S100PBP: variants seen among roughly 807,000 people sequenced by gnomAD.
The protein encoded by S100PBP is S100P-binding protein.
S100PBP carries 15 observed loss-of-function variants against 39.9 expected under a neutral mutation model. The ratio of observed to expected loss-of-function variants is 0.38; its 90% CI spans 0.25 to 0.58. The LOEUF (loss-of-function observed/expected upper bound fraction) is 0.58, where lower values mean the gene tolerates loss of function less well. S100PBP is among the 20% of genes least tolerant of loss of function. The probability of loss-of-function intolerance (pLI) is 0.70; values close to 1 mark genes in which losing one functional copy is unlikely to be tolerated. For synonymous variants in S100PBP, 178 were observed against 180.3 expected (o/e 0.99, Z 0.10); for missense variants, 504 against 487.3 (o/e 1.03, Z -0.32).
chr1:32,819,770 A>T (rs1462156543), intron 1 of S100PBP, among the ~76,000 whole-genome samples: 1 of 152,170 alleles, frequency 6.6e-6, no homozygotes, highest in South Asian at 2.1e-4. Context: ...CATTCATTAA[A>T]TACCATGTTT....
Position 32,826,652 on chromosome 1 carries a change from G to T in S100PBP, c.553G>T (p.Gly185Cys). The T allele has an allele frequency of 6.2e-7, 1 of 1,614,166 alleles. No individual in the cohort carries two copies. Among genetic ancestry groups the T allele is most frequent in the Non-Finnish European group, 8.5e-7 (1 of 1,180,032 alleles). Residue 185 changes from glycine to cysteine, a missense_variant, in exon 3 of 7, where the codon GGT becomes TGT. By Grantham distance (159) the Gly-to-Cys change is radical. Transcript: ENST00000373475. ...SSLGEEMRED[G>C]LSPNESKLCT... The stretch of plus-strand genomic sequence containing the variant: ...CCTTGGAGAAGAGATGAGAGAAGAT[G>T]GTCTTAGCCCAAATGAAAGCAAACT...
intron 5 of S100PBP, among the ~76,000 whole-genome samples, chr1:32,830,414 T>G (rs1265200634): frequency 6.6e-6 from 1 of 152,148 alleles, no homozygotes; most frequent in African/African-American, 2.4e-5. Flanking sequence ...TAATCAGTGG[T>G]TTTTAAAATT....
At chr1:32,828,220 A>G in intron 4 of S100PBP, 139 bp downstream of exon 4, 1 of 555,410 alleles carries the variant, frequency 1.8e-6, no homozygotes, top group South Asian at 2.4e-5. Context: ...TAGCACTACC[A>G]ACTATGTGAC....
chr1:32,823,496 T>C (rs1639180138), intron 1 of S100PBP, among the ~76,000 whole-genome samples: 1 of 152,232 alleles, frequency 6.6e-6, no homozygotes. Flanking sequence ...AACAAAATGA[T>C]TTCTTTGATA....
At chr1:32,825,039 C>T (rs761506355) in intron 1 of S100PBP, 1 of 151,948 alleles carries the variant, frequency 6.6e-6, no homozygotes, top group Non-Finnish European at 1.5e-5. Flanking sequence ...CTTTGGACTC[C>T]CATGCCAGTA....
chr1:32,849,380 G>A (rs935579746), intron 5 of S100PBP, among the ~76,000 whole-genome samples: 1 of 152,094 alleles, frequency 6.6e-6, no homozygotes, highest in Admixed American at 6.6e-5. Flanking sequence ...CAAGCCATCC[G>A]CCTGCCTCGG....
intron 6 of S100PBP, among the ~76,000 whole-genome samples, chr1:32,853,724 C>A (rs535866749): frequency 1.1e-4 from 17 of 151,952 alleles, no homozygotes; most frequent in African/African-American, 4.1e-4. Context: ...TGTGAGACCC[C>A]GTCGCTACAA....
intron 3 of S100PBP, among the ~76,000 whole-genome samples, chr1:32,827,305 T>A (rs1639373128): frequency 6.6e-6 from 1 of 152,218 alleles, no homozygotes; most frequent in Non-Finnish European, 1.5e-5. Flanking sequence ...ATTCTGTTAT[T>A]TTTCTTGTCT....
At chr1:32,830,649 ACT>A (rs1639553826) in intron 5 of S100PBP, among the ~76,000 whole-genome samples, 2 of 152,222 alleles carry the variant, frequency 1.3e-5, no homozygotes, top group Non-Finnish European at 2.9e-5. Context: ...TTCAGCCTGA[ACT>A]ATTGGCTGAT....
At chr1:32,851,827 A>G (rs998232364) in intron 5 of S100PBP, among the ~76,000 whole-genome samples, 1 of 152,190 alleles carries the variant, frequency 6.6e-6, no homozygotes, top group African/African-American at 2.4e-5. Flanking sequence ...AGGCCCAGCA[A>G]TCTGTTTTAC....
intron 5 of S100PBP, among the ~76,000 whole-genome samples, chr1:32,838,654 C>T (rs1470339025): frequency 1.3e-5 from 2 of 152,086 alleles, no homozygotes; most frequent in Admixed American, 6.5e-5. Context: ...ACCAGCCTGG[C>T]CAACGTGGTG....
intron 1 of S100PBP, 163 bp from the exon 2 acceptor site, chr1:32,825,150 T>A (rs147909058): frequency 6.6e-6 from 1 of 152,270 alleles, no homozygotes; most frequent in East Asian, 1.9e-4. Context: ...CTTTGAAGAT[T>A]TCTTTGGTGT....
chr1:32,817,414 T>C (rs548885299), upstream of S100PBP: 91 of 769,742 alleles, frequency 1.2e-4, no homozygotes, highest in Non-Finnish European at 1.9e-4. Context: ...CCGGAAAAAG[T>C]GAGGAGCAGC....
intron 1 of S100PBP, chr1:32,818,574 C>A (rs776959668): frequency 3.3e-4 from 50 of 152,218 alleles, no homozygotes; most frequent in Non-Finnish European, 6.3e-4. Context: ...AGCACATTTT[C>A]TTTTTGAAAA....
chr1:32,853,034 T>G (rs768294078), intron 5 of S100PBP, 45 bp from the exon 6 acceptor site: 1 of 1,356,418 alleles, frequency 7.4e-7, no homozygotes, highest in Non-Finnish European at 1.1e-6. Flanking sequence ...TTGGCTGACG[T>G]AGTTCACTCA....
chr1:32,841,776 G>A (rs1322390034), intron 5 of S100PBP, among the ~76,000 whole-genome samples: 1 of 150,020 alleles, frequency 6.7e-6, no homozygotes, highest in Non-Finnish European at 1.5e-5. Context: ...CTTTCATGTG[G>A]TATCTAAGAA....
rs909668653 is a variant in S100PBP, at chr1:32,858,374, T to G, written c.*2336T>G. The G allele has an allele frequency of 5.9e-5, 9 of 152,670 alleles. No individual in the cohort carries two copies. The highest frequency in any genetic ancestry group is 1.3e-4 in the Admixed American group (2 of 15,288). 9.5% of individuals were successfully genotyped at this position (152,670 alleles called of 1,614,324 possible). A position where few individuals can be genotyped will look rare whatever the true frequency, so the allele number is the denominator to read the frequency against. ...AGCTTTAGCAGCTTAATTAAATCTG[T>G]TGGACTGGGGGAGGAGAGAGCTGTT... On this transcript the variant is annotated 3_prime_UTR_variant, in exon 7 of 7. Transcript: ENST00000373475.
At chr1:32,848,443 G>A (rs1640475904) in intron 5 of S100PBP, among the ~76,000 whole-genome samples, 1 of 152,204 alleles carries the variant, frequency 6.6e-6, no homozygotes, top group African/African-American at 2.4e-5. Context: ...AGCCCTGCAT[G>A]TGTACTGTTC....
chr1:32,851,006 G>A (rs917259289), intron 5 of S100PBP, among the ~76,000 whole-genome samples: 1 of 152,104 alleles, frequency 6.6e-6, no homozygotes, highest in Non-Finnish European at 1.5e-5. Context: ...GGTCTTTTAC[G>A]TTCAATATTC....
Sources: gnomAD v4.1 joint callset for allele counts (sites outside exome capture counted in the v4.1 genomes callset) on GRCh38, gnomAD v4.1.1 for gene constraint, MANE v1.5 for transcripts, NCBI Gene and HGNC (gene_info 2026-07-23, HGNC 2026-07-21) for gene names.